DST: variants seen among roughly 807,000 people sequenced by gnomAD.
DST encodes bullous pemphigoid antigen.
Under a neutral mutation model 875.2 loss-of-function variants are expected in DST, and 253 were observed. That is an observed-to-expected ratio of 0.29 (90% CI 0.26 to 0.32). The LOEUF is 0.32. Ranked by LOEUF, DST falls within the 10% of genes least tolerant of loss-of-function variation. The pLI is 1.00. For synonymous variants in DST, 3,124 were observed against 3,197.1 expected (o/e 0.98, Z 0.77); for missense variants, 8,287 against 9,111.6 (o/e 0.91, Z 3.68).
intron 4 of DST, among the ~76,000 whole-genome samples, chr6:56,773,315 T>C (rs887069276): frequency 1.3e-5 from 2 of 152,130 alleles, no homozygotes; most frequent in Non-Finnish European, 2.9e-5. Context: ...TTATAAGTTA[T>C]TGGTCCAGAT....
At chr6:56,600,531 T>G (rs1052666552) in intron 44 of DST, among the ~76,000 whole-genome samples, 2 of 152,158 alleles carry the variant, frequency 1.3e-5, no homozygotes, top group African/African-American at 4.8e-5. Context: ...TGTTGAAACC[T>G]GCGACACATA....
Position 56,527,510 on chromosome 6 carries a change from C to T in DST, c.17905G>A (p.Ala5969Thr), listed in dbSNP as rs1562567835. The T allele has an allele frequency of 1.9e-6, 3 of 1,613,426 alleles. No homozygotes were observed. The East Asian group carries it at 6.7e-5, about 36-fold the overall frequency. Reference sequence around the variant, plus strand: ...GAGCTTACCTTTGGTCTCATTTGTGCTTGACTTGCTTCTTCTCCTTTCAGA... The same window carrying T: ...GAGCTTACCTTTGGTCTCATTTGTGTTTGACTTGCTTCTTCTCCTTTCAGA... ...QVLKGEEASQ[A>T]QMRPKELKKE... is the part of the protein sequence containing the mutation. The change falls in exon 68 of 104, where the codon GCA becomes ACA. Residue 5969 changes from alanine to threonine, a missense_variant. Physicochemically the swap from Ala to Thr is moderately conservative, Grantham distance 58. Around this residue, in one of 10 missense-constraint regions of DST, gnomAD observed 777 missense variants for 764.8 expected, o/e 1.02. Coordinates refer to ENST00000680361, the MANE Select transcript of DST (RefSeq NM_001374736.1).
chr6:56,847,675 C>T (rs2099808629), intron 4 of DST, among the ~76,000 whole-genome samples: 1 of 152,196 alleles, frequency 6.6e-6, no homozygotes, highest in Admixed American at 6.5e-5. Flanking sequence ...TCAAGTGGCA[C>T]TTCCTCTCAG....
intron 36 of DST, chr6:56,615,586 T>G: frequency 6.2e-7 from 1 of 1,614,190 alleles, no homozygotes; most frequent in East Asian, 2.2e-5. Flanking sequence ...GTTTAAGTCC[T>G]GTGTGGAAAT....
rs991356022 is a variant in DST at position 56,618,672 on chromosome 6, T to C, written c.4930-4188A>G. On this transcript the variant is annotated intron_variant, in intron 36 of 103. Transcript: ENST00000680361. ...CAAAGCTTAGCATTTTCTTGGGCTCTAGAGTTTTCTTGTTGAAGAGACACA... is the reference window on the plus strand; with the variant it reads ...CAAAGCTTAGCATTTTCTTGGGCTCCAGAGTTTTCTTGTTGAAGAGACACA... 7.4e-6 allele frequency: 12 copies of C among 1,613,802 alleles called. No individual in the cohort carries two copies. Among genetic ancestry groups the C allele is most frequent in the African/African-American group, 1.3e-5 (1 of 74,866 alleles).
At chr6:56,839,538 A>G (rs2153070964) in intron 4 of DST, among the ~76,000 whole-genome samples, 1 of 152,232 alleles carries the variant, frequency 6.6e-6, no homozygotes, top group East Asian at 1.9e-4. Context: ...AGAAATTTGA[A>G]ATCAAGTTTT....
intron 1 of DST, 77 bp from the exon 2 acceptor site, chr6:56,953,896 GGAGA>G: frequency 8.9e-7 from 1 of 1,124,280 alleles, no homozygotes; most frequent in Non-Finnish European, 1.2e-6. Context: ...GACTTACCTG[GGAGA>G]CCAGGGTTGG....
At chr6:56,931,872 G>A (rs1810458223) in intron 2 of DST, among the ~76,000 whole-genome samples, 1 of 152,186 alleles carries the variant, frequency 6.6e-6, no homozygotes, top group African/African-American at 2.4e-5. Context: ...TGATTCTACA[G>A]GCTCATAGGC....
At chr6:56,568,993 G>A (rs2097728666) in intron 54 of DST, among the ~76,000 whole-genome samples, 1 of 152,070 alleles carries the variant, frequency 6.6e-6, no homozygotes, top group South Asian at 2.1e-4. Context: ...TCATTTTACA[G>A]CATATTTTAA....
intron 57 of DST, among the ~76,000 whole-genome samples, chr6:56,560,872 A>C (rs926012686): frequency 2.6e-5 from 4 of 152,192 alleles, no homozygotes; most frequent in African/African-American, 9.7e-5. Context: ...TCTTGCCATC[A>C]CTGCTACCAT....
At chr6:56,896,473 G>C (rs918221351) in intron 3 of DST, among the ~76,000 whole-genome samples, 4 of 152,186 alleles carry the variant, frequency 2.6e-5, no homozygotes, top group African/African-American at 4.8e-5. Flanking sequence ...ATGTGGAACT[G>C]TAAGTCCAAT....
chr6:56,632,876 T>C lies in DST; in HGVS notation c.3783A>G (p.Glu1261=). Residue 1261 remains glutamate (E), a synonymous_variant, in exon 28 of 104, where the codon GAA becomes GAG. Coordinates refer to ENST00000680361, the MANE Select transcript of DST (RefSeq NM_001374736.1). The part of the protein sequence containing the change: ...EVNVCKQYYQ[E]LLKSAEREEQ... ...TACCTCTTTCTGCAGATTTAAGAAG[T>C]TCTTGATAATACTGCTTACATACAT... 6.2e-7 allele frequency: 1 copy of C among 1,613,886 alleles called. No homozygotes were observed. Among genetic ancestry groups the C allele is most frequent in the Non-Finnish European group, 8.5e-7 (1 of 1,179,930 alleles).
intron 5 of DST, among the ~76,000 whole-genome samples, chr6:56,712,448 A>G (rs1405381835): frequency 6.6e-6 from 1 of 152,216 alleles, no homozygotes; most frequent in African/African-American, 2.4e-5. Context: ...GTGTCTAAGG[A>G]GAAAACCTAA....
chr6:56,596,593 C>T (rs528273288), intron 47 of DST, among the ~76,000 whole-genome samples: 4 of 152,134 alleles, frequency 2.6e-5, no homozygotes, highest in East Asian at 1.9e-4. Flanking sequence ...TATAATAGCC[C>T]GTTAAAATTG....
rs776487965 is a variant in DST at position 56,620,661 on chromosome 6, G to A, written c.4929+3869C>T. On this transcript the variant is annotated intron_variant, in intron 36 of 103. Coordinates refer to ENST00000680361, the MANE Select transcript of DST (RefSeq NM_001374736.1). Reference sequence around the variant, plus strand: ...TTCTCAAGCACTGTTGCCTTCTGACGCTGAAGCAGATCTGAATATGCCCCA... The same window carrying A: ...TTCTCAAGCACTGTTGCCTTCTGACACTGAAGCAGATCTGAATATGCCCCA... 5.6e-6 allele frequency: 9 copies of A among 1,613,878 alleles called. No individual in the cohort carries two copies. The East Asian group carries it at 6.7e-5, about 12-fold the overall frequency.
chr6:56,641,452 G>C (rs2098900840), intron 17 of DST, among the ~76,000 whole-genome samples: 1 of 152,078 alleles, frequency 6.6e-6, no homozygotes, highest in Admixed American at 6.5e-5. Flanking sequence ...GCCAGGTGTG[G>C]TGGCGGGTGC....
chr6:56,691,293 G>T (rs1293992211), intron 9 of DST, among the ~76,000 whole-genome samples: 1 of 152,140 alleles, frequency 6.6e-6, no homozygotes, highest in Admixed American at 6.6e-5. Context: ...CAGACTGAAT[G>T]CTTTCTTTTT....
chr6:56,520,661 CTT>C (rs993299451), intron 69 of DST, among the ~76,000 whole-genome samples: 3 of 151,832 alleles, frequency 2.0e-5, no homozygotes, highest in African/African-American at 7.3e-5. Context: ...ATCAAAATAA[CTT>C]ATGTACCTCA....
At chr6:56,779,955 T>A (rs1440996305) in intron 4 of DST, among the ~76,000 whole-genome samples, 1 of 144,722 alleles carries the variant, frequency 6.9e-6, no homozygotes, top group East Asian at 2.1e-4. Flanking sequence ...AATTCCCATC[T>A]ATGAGTGAGA....
Sources: gnomAD v4.1 joint callset for allele counts (sites outside exome capture counted in the v4.1 genomes callset) on GRCh38, gnomAD v4.1.1 for gene constraint, gnomAD v4.1.1 regional missense constraint, MANE v1.5 for transcripts, NCBI Gene and HGNC (gene_info 2026-07-23, HGNC 2026-07-21) for gene names.